The following PRKN variants were observed in gnomAD, a reference collection of about 807,000 sequenced individuals.
The protein encoded by PRKN is parkin RBR E3 ubiquitin protein ligase, also known as E3 ubiquitin-protein ligase parkin.
PRKN carries 56 observed loss-of-function variants against 59.5 expected under a neutral mutation model. The observed-to-expected ratio is 0.94, with a 90% confidence interval of 0.76 to 1.18. PRKN has a LOEUF of 1.18. Among genes scored for constraint, PRKN ranks in the 50% most tolerant of loss-of-function variants. PRKN has a pLI of 0.00. For missense variants in PRKN, 657 were observed against 596.4 expected (o/e 1.10, Z -1.06); for synonymous variants, 250 against 222.1 (o/e 1.13, Z -1.12).
In PRKN at chr6:161,586,911, C is replaced by G. The variant is rs562651085; in HGVS notation, c.872-17495G>C. 2.7e-3 allele frequency among the ~76,000 whole-genome samples: 409 copies of G among 152,258 alleles called. 1 individual carries two copies. Among genetic ancestry groups the G allele is most frequent in the Non-Finnish European group, 3.9e-3 (268 of 68,020 alleles). Reference sequence around the variant, plus strand: ...AAATGGTCTCTGTGGCTAGTATGGTCTAGACACTAGCAAGCTACATATAAT... The same window carrying G: ...AAATGGTCTCTGTGGCTAGTATGGTGTAGACACTAGCAAGCTACATATAAT... On this transcript the variant is annotated intron_variant, in intron 7 of 11. Coordinates refer to ENST00000366898, the MANE Select transcript of PRKN (RefSeq NM_004562.3).
chr6:162,470,546 G>A (rs1267542393), intron 1 of PRKN, among the ~76,000 whole-genome samples: 1 of 151,676 alleles, frequency 6.6e-6, no homozygotes, highest in Admixed American at 6.6e-5. Flanking sequence ...AGCCAAGATT[G>A]CATTACTGCA....
chr6:161,713,114 G>A (rs1158344800), intron 7 of PRKN, among the ~76,000 whole-genome samples: 1 of 152,162 alleles, frequency 6.6e-6, no homozygotes, highest in African/African-American at 2.4e-5. Context: ...TGCTGGAACA[G>A]TTCACAGAAC....
intron 1 of PRKN, among the ~76,000 whole-genome samples, chr6:162,633,864 C>A (rs1348829172): frequency 6.6e-6 from 1 of 152,094 alleles, no homozygotes; most frequent in Non-Finnish European, 1.5e-5. Context: ...TATTTTTCAA[C>A]ATTGCCCTAG....
chr6:161,541,307 GAC>G (rs926536225), intron 9 of PRKN, among the ~76,000 whole-genome samples: 5 of 152,180 alleles, frequency 3.3e-5, no homozygotes, highest in African/African-American at 1.2e-4. Flanking sequence ...TGCCATGTCA[GAC>G]ACACAGCCCC....
intron 3 of PRKN, among the ~76,000 whole-genome samples, chr6:162,220,909 T>G (rs1035101044): frequency 7.9e-5 from 12 of 152,234 alleles, no homozygotes; most frequent in Admixed American, 7.9e-4. Context: ...ACTCTCCTCT[T>G]GAAATGGGAT....
In PRKN at chr6:161,527,134, T is replaced by G. The variant is rs116200634; in HGVS notation, c.1083+21720A>C. ...ACCTCCTGTGATAAGATCTTCTCTG[T>G]TTCATGAGATTCCTATGACAATTAT... On this transcript the variant is annotated intron_variant, in intron 9 of 11. Transcript: ENST00000366898. This position sits in a 1 kb window ranked among gnomAD's most constrained non-coding sequence, Gnocchi z 4.6. 9.3e-3 allele frequency among the ~76,000 whole-genome samples: 1,411 copies of G among 152,336 alleles called. 26 individuals carry two copies. The highest frequency in any genetic ancestry group is 0.032 in the African/African-American group (1,332 of 41,568).
At chr6:161,788,744 G>A (rs1173809410) in intron 6 of PRKN, among the ~76,000 whole-genome samples, 2 of 152,162 alleles carry the variant, frequency 1.3e-5, no homozygotes, top group African/African-American at 4.8e-5. Context: ...CGGGGAAGCT[G>A]GAATGTTGTG....
intron 9 of PRKN, among the ~76,000 whole-genome samples, chr6:161,415,027 C>G (rs923566896): frequency 7.9e-5 from 12 of 152,220 alleles, no homozygotes; most frequent in Admixed American, 7.9e-4. Context: ...TTACCCACGA[C>G]TTCACCGTGA....
intron 6 of PRKN, among the ~76,000 whole-genome samples, chr6:161,803,167 T>G (rs1419156952): frequency 6.6e-6 from 1 of 152,192 alleles, no homozygotes; most frequent in Non-Finnish European, 1.5e-5. Context: ...TGAGTTACTT[T>G]TCCACAATTG....
At chr6:161,885,386 C>T (rs58207999) in intron 6 of PRKN, among the ~76,000 whole-genome samples, 3,175 of 152,174 alleles carry the variant, frequency 0.021, 90 homozygotes, top group African/African-American at 0.073. Context: ...AATGTCTGGG[C>T]CGGGTGCGGT....
chr6:161,817,845 A>G (rs898726371), intron 6 of PRKN, among the ~76,000 whole-genome samples: 1 of 152,218 alleles, frequency 6.6e-6, no homozygotes, highest in Non-Finnish European at 1.5e-5. Context: ...TTTCAAAAAG[A>G]ACTTGACCTG....
rs141263243 is a variant in PRKN at position 161,372,980 on chromosome 6, A to C, written c.1168-12775T>G. Among the ~76,000 whole-genome samples, 1 of 151,898 alleles carries C rather than the reference A, an allele frequency of 6.6e-6. No homozygotes were observed. The highest frequency in any genetic ancestry group is 1.9e-4 in the East Asian group (1 of 5,156). On this transcript the variant is annotated intron_variant, in intron 10 of 11. Coordinates refer to ENST00000366898, the MANE Select transcript of PRKN (RefSeq NM_004562.3). The surrounding 1 kb of genome is among the most constrained non-coding windows in gnomAD (Gnocchi z 4.2). The stretch of plus-strand genomic sequence containing the variant: ...GCTTCTGTCCTCTGCTGATCTTTAA[A>C]AAATATTTTTTGTAGAGATGGGGTC...
chr6:162,287,745 T>A (rs530807189), intron 2 of PRKN, among the ~76,000 whole-genome samples: 1 of 152,242 alleles, frequency 6.6e-6, no homozygotes, highest in African/African-American at 2.4e-5. Context: ...TGATAACAAA[T>A]AACTAGCTAT....
intron 6 of PRKN, among the ~76,000 whole-genome samples, chr6:161,893,942 AAAG>A (rs1319515163): frequency 2.6e-5 from 4 of 152,210 alleles, no homozygotes; most frequent in Admixed American, 1.3e-4. Context: ...GATTTGTCAC[AAAG>A]AAGAACACAA....
rs757156904 is a variant in PRKN at position 161,461,293 on chromosome 6, C to T, written c.1084-74416G>A. Among the ~76,000 whole-genome samples the T allele has an allele frequency of 6.6e-6, 1 of 151,954 alleles. No individual in the cohort carries two copies. On this transcript the variant is annotated intron_variant, in intron 9 of 11. Transcript: ENST00000366898. The surrounding 1 kb of genome is among the most constrained non-coding windows in gnomAD (Gnocchi z 5.1). The stretch of plus-strand genomic sequence containing the variant: ...TCAACATGAGTTAAGTATAAGGTGT[C>T]GCTGGAGATGAGGGGGATGGTGGAG...
chr6:162,126,806 CTGTTTGTT>C (rs143861022), intron 4 of PRKN, among the ~76,000 whole-genome samples: 1,582 of 152,036 alleles, frequency 0.01, 32 homozygotes, highest in African/African-American at 0.036. Context: ...ATTCATTTTC[CTGTTTGTT>C]TGTTTGTTTG....
At chr6:161,634,576 C>T (rs1194600350) in intron 7 of PRKN, among the ~76,000 whole-genome samples, 1 of 152,158 alleles carries the variant, frequency 6.6e-6, no homozygotes, top group Non-Finnish European at 1.5e-5. Flanking sequence ...ACCCCAAGAA[C>T]AGGCACGAGG....
At position 162,445,676 on chromosome 6, in the gene PRKN, C is replaced by T. The variant is rs1438411197; in HGVS notation, c.8-2203G>A. Among the ~76,000 whole-genome samples, 4 of 103,256 alleles carry T rather than the reference C, an allele frequency of 3.9e-5. No homozygotes were observed. In the Admixed American group the frequency reaches 4.7e-4, roughly 12 times the overall value. The allele number at this position is 103,256 out of a possible 152,430, so 67.7% of individuals were successfully genotyped here. A position where few individuals can be genotyped will look rare whatever the true frequency, so the allele number is the denominator to read the frequency against. On this transcript the variant is annotated intron_variant, in intron 1 of 11. Coordinates refer to ENST00000366898, the MANE Select transcript of PRKN (RefSeq NM_004562.3). Reference sequence around the variant, plus strand: ...CATTGCACTCAGTCACCCTGGGTGACAGAGACCTTGTCTAAAAAAAAAAAA... The same window carrying T: ...CATTGCACTCAGTCACCCTGGGTGATAGAGACCTTGTCTAAAAAAAAAAAA...
chr6:162,393,944 C>A (rs1787347592), intron 2 of PRKN, among the ~76,000 whole-genome samples: 1 of 152,112 alleles, frequency 6.6e-6, no homozygotes, highest in Admixed American at 6.5e-5. Context: ...ATTATATGGT[C>A]ATTTTGATTA....
Sources: gnomAD v4.1 joint callset for allele counts (sites outside exome capture counted in the v4.1 genomes callset) on GRCh38, gnomAD v4.1.1 for gene constraint, Gnocchi (gnomAD v3.1) non-coding constraint, MANE v1.5 for transcripts, NCBI Gene and HGNC (gene_info 2026-07-23, HGNC 2026-07-21) for gene names.